Variants in UBE2E2 observed in about 807,000 individuals in gnomAD.
UBE2E2 encodes ubiquitin conjugating enzyme E2 E2, also known as ubiquitin-conjugating enzyme E2 E2.
Under a neutral mutation model 24.7 loss-of-function variants are expected in UBE2E2, and 6 were observed. The observed-to-expected ratio is 0.24, with a 90% CI of 0.13 to 0.48. The LOEUF is 0.48. UBE2E2 is among the 20% of genes least tolerant of loss of function. UBE2E2 has a pLI of 0.99. For missense variants in UBE2E2, 169 were observed against 245.0 expected (o/e 0.69, Z 2.07); for synonymous variants, 104 against 83.6 (o/e 1.24, Z -1.33).
At chr3:23,292,385 A>G (rs989121027) in intron 3 of UBE2E2, among the ~76,000 whole-genome samples, 1 of 152,202 alleles carries the variant, frequency 6.6e-6, no homozygotes, top group Non-Finnish European at 1.5e-5. Flanking sequence ...GCAGACATAC[A>G]TGCCCATGCT....
chr3:23,259,572 T>TA (rs1197143761), intron 3 of UBE2E2, among the ~76,000 whole-genome samples: 4 of 97,164 alleles, frequency 4.1e-5, no homozygotes, highest in East Asian at 3.3e-4. Flanking sequence ...TCCTGGAACT[T>TA]TAAAAAAAAA....
At chr3:23,527,509 T>C (rs1197285514) in intron 4 of UBE2E2, among the ~76,000 whole-genome samples, 19 of 152,156 alleles carry the variant, frequency 1.2e-4, no homozygotes, top group Admixed American at 1.2e-3. Context: ...TTAAGTGTCT[T>C]CTGATGCTAA....
Position 23,506,412 on chromosome 3 carries a change from G to T in UBE2E2, c.360+6672G>T, listed in dbSNP as rs190455150. On this transcript the variant is annotated intron_variant, in intron 4 of 5. Coordinates refer to ENST00000396703, the MANE Select transcript of UBE2E2 (RefSeq NM_152653.4). ...AATGAATGTCAGGTCTTTTTTTCCA[G>T]TTGCTAAAACTAAAAACCTTACATT... 1.8e-3 allele frequency among the ~76,000 whole-genome samples: 269 copies of T among 152,188 alleles called. 3 individuals are homozygous for T. The highest frequency in any genetic ancestry group is 6.1e-3 in the African/African-American group (255 of 41,514).
At chr3:23,324,656 T>C (rs1298207591) in intron 3 of UBE2E2, among the ~76,000 whole-genome samples, 1 of 152,146 alleles carries the variant, frequency 6.6e-6, no homozygotes, top group Admixed American at 6.5e-5. Flanking sequence ...TGCATCCTTA[T>C]TATTTTTTGT....
intron 3 of UBE2E2, among the ~76,000 whole-genome samples, chr3:23,356,304 A>G (rs1436579410): frequency 2.0e-5 from 3 of 152,200 alleles, no homozygotes; most frequent in African/African-American, 7.2e-5. Context: ...AAAGAGTCAC[A>G]CGTAACAAAT....
intron 5 of UBE2E2, among the ~76,000 whole-genome samples, chr3:23,588,620 A>C (rs1434529619): frequency 6.6e-6 from 1 of 151,962 alleles, no homozygotes; most frequent in Non-Finnish European, 1.5e-5. Flanking sequence ...TATTCTGGAT[A>C]GAGAGCTATC....
chr3:23,404,248 T>A (rs1697301967), intron 3 of UBE2E2, among the ~76,000 whole-genome samples: 1 of 152,190 alleles, frequency 6.6e-6, no homozygotes, highest in East Asian at 1.9e-4. Context: ...GCTATATTGG[T>A]ATTTATTGAA....
At chr3:23,362,959 C>T (rs1696159778) in intron 3 of UBE2E2, among the ~76,000 whole-genome samples, 1 of 151,926 alleles carries the variant, frequency 6.6e-6, no homozygotes, top group South Asian at 2.1e-4. Context: ...TCAGCAAAAG[C>T]CCTACAAGTC....
At chr3:23,232,322 T>G (rs532718949) in intron 3 of UBE2E2, among the ~76,000 whole-genome samples, 3 of 152,252 alleles carry the variant, frequency 2.0e-5, no homozygotes, top group Non-Finnish European at 2.9e-5. Context: ...TCCATCACTT[T>G]GCTAGGTCTC....
At chr3:23,580,415 C>T (rs1422726518) in intron 5 of UBE2E2, among the ~76,000 whole-genome samples, 4 of 152,182 alleles carry the variant, frequency 2.6e-5, no homozygotes, top group Non-Finnish European at 5.9e-5. Flanking sequence ...AAAAAGATTA[C>T]GACTTACTGA....
intron 3 of UBE2E2, among the ~76,000 whole-genome samples, chr3:23,300,850 G>T (rs560017892): frequency 7.9e-5 from 12 of 152,086 alleles, no homozygotes; most frequent in Non-Finnish European, 1.6e-4. Flanking sequence ...GATTGGGGAA[G>T]TTCTCCTGGA....
chr3:23,373,915 A>G (rs1019342913), intron 3 of UBE2E2, among the ~76,000 whole-genome samples: 3 of 152,174 alleles, frequency 2.0e-5, no homozygotes, highest in African/African-American at 7.2e-5. Context: ...TTAAAATGAT[A>G]GTGATGGTGT....
chr3:23,526,521 G>A (rs542833284), intron 4 of UBE2E2, among the ~76,000 whole-genome samples: 2 of 152,294 alleles, frequency 1.3e-5, no homozygotes, highest in Non-Finnish European at 2.9e-5. Flanking sequence ...GACATCAGTT[G>A]AAAGACAATA....
intron 3 of UBE2E2, among the ~76,000 whole-genome samples, chr3:23,227,663 C>A (rs1480737960): frequency 6.6e-6 from 1 of 151,966 alleles, no homozygotes; most frequent in African/African-American, 2.4e-5. Context: ...TTTTTGAAGA[C>A]AAAAAACTTT....
At chr3:23,228,684 A>G (rs1302501782) in intron 3 of UBE2E2, among the ~76,000 whole-genome samples, 3 of 152,096 alleles carry the variant, frequency 2.0e-5, no homozygotes, top group African/African-American at 4.8e-5. Context: ...ATAAATGTTC[A>G]TTTAGAACTG....
intron 3 of UBE2E2, among the ~76,000 whole-genome samples, chr3:23,358,642 G>A (rs982320142): frequency 2.8e-4 from 43 of 152,032 alleles, no homozygotes; most frequent in Admixed American, 2.8e-3. Context: ...TTATTATATG[G>A]TTAAAACAAT....
At chr3:23,310,296 A>G (rs908527715) in intron 3 of UBE2E2, among the ~76,000 whole-genome samples, 1 of 79,990 alleles carries the variant, frequency 1.3e-5, no homozygotes, top group Non-Finnish European at 2.3e-5. Context: ...TGCAAAAGGC[A>G]TGCCTTTTTT....
intron 3 of UBE2E2, among the ~76,000 whole-genome samples, chr3:23,326,639 A>G (rs1180360617): frequency 6.6e-6 from 1 of 152,208 alleles, no homozygotes; most frequent in Non-Finnish European, 1.5e-5. Flanking sequence ...GAGATTTTCC[A>G]GAAGTCTTTT....
intron 3 of UBE2E2, among the ~76,000 whole-genome samples, chr3:23,440,137 A>G (rs1010125643): frequency 1.3e-5 from 2 of 152,038 alleles, no homozygotes; most frequent in Non-Finnish European, 2.9e-5. Context: ...AGCCAGGTGC[A>G]GTGGCAGGTG....
Sources: allele counts gnomAD v4.1 joint callset (sites outside exome capture counted in the v4.1 genomes callset), GRCh38; gene constraint gnomAD v4.1.1; transcripts MANE v1.5; gene names NCBI Gene and HGNC (gene_info 2026-07-23, HGNC 2026-07-21).